The following TRDN variants were observed in gnomAD, a reference collection of about 807,000 sequenced individuals.
The protein encoded by TRDN is triadin in skeletal muscle.
A neutral mutation model predicts 149.7 loss-of-function variants in TRDN; 161 were observed. That is an observed-to-expected ratio of 1.08 (90% CI 0.95 to 1.23). The LOEUF (loss-of-function observed/expected upper bound fraction) is 1.23, where lower values mean the gene tolerates loss of function less well. Ranked by LOEUF, TRDN falls within the 50% of genes most tolerant of loss-of-function variation. The pLI is 0.00. For synonymous variants in TRDN, 294 were observed against 250.5 expected, an observed-to-expected ratio of 1.17 and a Z score of -1.64; for missense variants, 896 against 823.5, an observed-to-expected ratio of 1.09 and a Z score of -1.08.
intron 24 of TRDN, among the ~76,000 whole-genome samples, chr6:123,287,652 A>C (rs1777848428): frequency 2.0e-5 from 3 of 152,206 alleles, no homozygotes; most frequent in African/African-American, 4.8e-5. Flanking sequence ...AGCTAAAAAC[A>C]GAGCATGCTT....
chr6:123,252,789 T>A (rs545984635), intron 37 of TRDN, among the ~76,000 whole-genome samples: 1 of 152,170 alleles, frequency 6.6e-6, no homozygotes, highest in South Asian at 2.1e-4. Context: ...CCTGGCTGAT[T>A]CTTTGAATAT....
chr6:123,523,324 G>A (rs538678131), intron 5 of TRDN, among the ~76,000 whole-genome samples: 1 of 152,256 alleles, frequency 6.6e-6, no homozygotes, highest in East Asian at 1.9e-4. Flanking sequence ...CTGCAGTACA[G>A]GGGGCATCAG....
At chr6:123,305,915 A>G (rs1011366444) in intron 24 of TRDN, among the ~76,000 whole-genome samples, 1 of 152,168 alleles carries the variant, frequency 6.6e-6, no homozygotes, top group Non-Finnish European at 1.5e-5. Flanking sequence ...CAACCCAGTC[A>G]TAAACTACTA....
intron 9 of TRDN, among the ~76,000 whole-genome samples, chr6:123,484,684 A>C (rs1042761724): frequency 4.4e-4 from 67 of 152,202 alleles, no homozygotes; most frequent in African/African-American, 1.5e-3. Flanking sequence ...GCTAGACCAA[A>C]AAAGCCACTT....
chr6:123,608,714 T>C (rs1462274740), intron 1 of TRDN, among the ~76,000 whole-genome samples: 1 of 152,164 alleles, frequency 6.6e-6, no homozygotes, highest in Non-Finnish European at 1.5e-5. Context: ...GATTAACATA[T>C]TGAATATGGT....
chr6:123,277,601 T>G (rs567471644), intron 26 of TRDN, among the ~76,000 whole-genome samples: 2 of 152,232 alleles, frequency 1.3e-5, no homozygotes, highest in East Asian at 3.9e-4. Flanking sequence ...GGTTTCCATG[T>G]GATGATGGAG....
At chr6:123,570,441 G>A (rs1782509249) in intron 2 of TRDN, among the ~76,000 whole-genome samples, 1 of 152,192 alleles carries the variant, frequency 6.6e-6, no homozygotes, top group Non-Finnish European at 1.5e-5. Flanking sequence ...AGGATGGCCG[G>A]TGGCAGAAGC....
At chr6:123,251,891 C>T (rs1415005783) in intron 38 of TRDN, among the ~76,000 whole-genome samples, 9 of 151,866 alleles carry the variant, frequency 5.9e-5, no homozygotes, top group African/African-American at 1.7e-4. Flanking sequence ...TTCTTATATA[C>T]ACAATTATAT....
chr6:123,395,952 C>A (rs1772708304), intron 12 of TRDN, among the ~76,000 whole-genome samples: 1 of 152,132 alleles, frequency 6.6e-6, no homozygotes. Flanking sequence ...AGTTTAAAAC[C>A]AAATGCCTTT....
intron 9 of TRDN, among the ~76,000 whole-genome samples, chr6:123,472,584 C>G (rs1157035172): frequency 6.6e-6 from 1 of 152,236 alleles, no homozygotes; most frequent in Non-Finnish European, 1.5e-5. Context: ...CCCACCACAG[C>G]TCAAGGAGGC....
intron 20 of TRDN, among the ~76,000 whole-genome samples, chr6:123,357,274 C>G (rs1354657775): frequency 6.6e-6 from 1 of 151,710 alleles, no homozygotes; most frequent in African/African-American, 2.4e-5. Flanking sequence ...TATCACTTGA[C>G]AAAAGATATG....
intron 24 of TRDN, among the ~76,000 whole-genome samples, chr6:123,308,488 A>G (rs1166872951): frequency 6.6e-6 from 1 of 151,950 alleles, no homozygotes; most frequent in East Asian, 1.9e-4. Flanking sequence ...TCAACAATAT[A>G]TAAGTATTCC....
intron 12 of TRDN, among the ~76,000 whole-genome samples, chr6:123,408,924 A>T (rs1360395984): frequency 6.6e-6 from 1 of 152,124 alleles, no homozygotes; most frequent in Non-Finnish European, 1.5e-5. Context: ...GTCAAATAAC[A>T]CTGGAGAGCA....
intron 26 of TRDN, among the ~76,000 whole-genome samples, chr6:123,276,568 A>T (rs1777374879): frequency 6.6e-6 from 1 of 152,168 alleles, no homozygotes; most frequent in African/African-American, 2.4e-5. Flanking sequence ...CAGCCTATCT[A>T]GACAGTGTGC....
At chr6:123,291,948 C>A (rs1467377403) in intron 24 of TRDN, among the ~76,000 whole-genome samples, 1 of 152,110 alleles carries the variant, frequency 6.6e-6, no homozygotes, top group Non-Finnish European at 1.5e-5. Context: ...TCCTAGAGAT[C>A]TGTGGGAGCA....
chr6:123,587,252 G>T (rs534348080), intron 1 of TRDN, among the ~76,000 whole-genome samples: 1 of 152,264 alleles, frequency 6.6e-6, no homozygotes, highest in Admixed American at 6.5e-5. Flanking sequence ...TCCCTCCAAT[G>T]ATTAAACACC....
At chr6:123,416,013 G>A (rs1773634879) in intron 12 of TRDN, among the ~76,000 whole-genome samples, 1 of 152,080 alleles carries the variant, frequency 6.6e-6, no homozygotes, top group African/African-American at 2.4e-5. Flanking sequence ...ACTCCAGGAT[G>A]GAGTATGACG....
chr6:123,397,756 C>T (rs1336199274), intron 12 of TRDN, among the ~76,000 whole-genome samples: 1 of 151,964 alleles, frequency 6.6e-6, no homozygotes, highest in East Asian at 1.9e-4. Context: ...GTAAAATTAA[C>T]TAATTTAGAC....
At chr6:123,373,270 G>T (rs1781388426) in intron 19 of TRDN, among the ~76,000 whole-genome samples, 1 of 152,084 alleles carries the variant, frequency 6.6e-6, no homozygotes, top group African/African-American at 2.4e-5. Flanking sequence ...AGAGCTGATG[G>T]TTTTAAAAAT....
Sources: gnomAD v4.1 joint callset for allele counts (sites outside exome capture counted in the v4.1 genomes callset) on GRCh38, gnomAD v4.1.1 for gene constraint, MANE v1.5 for transcripts, NCBI Gene and HGNC (gene_info 2026-07-23, HGNC 2026-07-21) for gene names.